Variants in FAM193B observed in about 807,000 individuals in gnomAD.
FAM193B encodes family with sequence similarity 193 member B, also known as protein FAM193B.
A neutral mutation model predicts 70.7 loss-of-function variants in FAM193B; 27 were observed. The ratio of observed to expected loss-of-function variants is 0.38; its 90% CI spans 0.28 to 0.53. The LOEUF is 0.53. Ranked by LOEUF, FAM193B falls within the 20% of genes least tolerant of loss-of-function variation. The probability of loss-of-function intolerance (pLI) is 0.81; values close to 1 mark genes in which losing one functional copy is unlikely to be tolerated. For missense variants in FAM193B, 1,022 were observed against 1,072.5 expected (o/e 0.95, Z 0.66); for synonymous variants, 448 against 436.0 (o/e 1.03, Z -0.34).
At chr5:177,550,979 AC>A (rs145193208) in intron 1 of FAM193B, among the ~76,000 whole-genome samples, 1,886 of 149,984 alleles carry the variant, frequency 0.013, 41 homozygotes, top group African/African-American at 0.044. Context: ...ATAGGTGTGA[AC>A]CCATGCCCAG....
At chr5:177,551,822 A>G (rs1445076998) in intron 1 of FAM193B, among the ~76,000 whole-genome samples, 1 of 152,214 alleles carries the variant, frequency 6.6e-6, no homozygotes, top group African/African-American at 2.4e-5. Flanking sequence ...ATGAGTGGCA[A>G]TGGGAGCCAG....
chr5:177,540,840 C>T (rs1256622751), intron 1 of FAM193B, among the ~76,000 whole-genome samples: 1 of 152,116 alleles, frequency 6.6e-6, no homozygotes, highest in Non-Finnish European at 1.5e-5. Context: ...TCTGCAGAGG[C>T]CTACGGGAAT....
intron 1 of FAM193B, among the ~76,000 whole-genome samples, chr5:177,540,667 T>C (rs2127477650): frequency 6.6e-6 from 1 of 152,296 alleles, no homozygotes; most frequent in East Asian, 1.9e-4. Flanking sequence ...CCCAGCTGAT[T>C]GGCCAGCTGA....
chr5:177,539,407 G>C, intron 1 of FAM193B: 1 of 411,302 alleles, frequency 2.4e-6, no homozygotes, highest in South Asian at 3.2e-5. Flanking sequence ...ACCCTAGTGA[G>C]TCTGGCTCCA....
At chr5:177,540,220 T>A (rs1373076382) in intron 1 of FAM193B, among the ~76,000 whole-genome samples, 1 of 148,452 alleles carries the variant, frequency 6.7e-6, no homozygotes, top group Non-Finnish European at 1.5e-5. Context: ...GGCAGGAGAA[T>A]CGCTTGAACC....
intron 1 of FAM193B, among the ~76,000 whole-genome samples, chr5:177,543,070 G>T (rs1014148118): frequency 6.6e-6 from 1 of 152,274 alleles, no homozygotes; most frequent in African/African-American, 2.4e-5. Flanking sequence ...AATCTTAACC[G>T]CGTTAAGAGT....
intron 1 of FAM193B, among the ~76,000 whole-genome samples, chr5:177,541,652 C>T (rs163010): frequency 0.84 from 127,035 of 152,054 alleles, 54,969 homozygotes; most frequent in Non-Finnish European, 0.94. Context: ...ATCTCCTGAC[C>T]TCGTGATCCG....
chr5:177,523,810 G>A, intron 7 of FAM193B, 147 bp downstream of exon 7: 1 of 829,242 alleles, frequency 1.2e-6, no homozygotes, highest in Non-Finnish European at 1.9e-6. Flanking sequence ...AGGCTGGTGG[G>A]AGAGGGCCTG....
chr5:177,524,424 C>T lies in FAM193B; in HGVS notation c.2057G>A (p.Cys686Tyr), dbSNP rs773057513. 5.6e-6 allele frequency: 9 copies of T among 1,601,512 alleles called. No individual in the cohort carries two copies. Among genetic ancestry groups the T allele is most frequent in the Non-Finnish European group, 6.8e-6 (8 of 1,174,184 alleles). The change falls in exon 6 of 9, where the codon TGT (cysteine) becomes TAT (tyrosine). Residue 686 changes from cysteine (C) to tyrosine (Y), a missense_variant. Cys to Tyr is a radical substitution (Grantham distance 194, BLOSUM62 -2). Coordinates refer to ENST00000514747, the MANE Select transcript of FAM193B (RefSeq NM_001190946.3). ...RVLELPKVGS[C>Y]AEAGEGSRGS... Reference sequence around the variant, plus strand: ...CCGGCTCCCCTCTCCAGCCTCAGCACAGCTGCCTACTTTGGGAAGCTCTAG... The same window carrying T: ...CCGGCTCCCCTCTCCAGCCTCAGCATAGCTGCCTACTTTGGGAAGCTCTAG...
intron 5 of FAM193B, 108 bp from the exon 6 acceptor site, chr5:177,525,313 C>T: frequency 8.4e-7 from 1 of 1,192,090 alleles, no homozygotes; most frequent in Non-Finnish European, 1.1e-6. Context: ...TTGCTGGAAG[C>T]AAAGCCTTAA....
intron 1 of FAM193B, chr5:177,553,145 C>T: frequency 2.0e-6 from 2 of 984,960 alleles, no homozygotes; most frequent in Non-Finnish European, 2.4e-6. Flanking sequence ...TGGGAAGGTA[C>T]CCCAAACGGC....
chr5:177,534,241 G>C (rs1413368267), intron 4 of FAM193B, among the ~76,000 whole-genome samples: 1 of 151,878 alleles, frequency 6.6e-6, no homozygotes, highest in East Asian at 1.9e-4. Context: ...GGTGCTTACA[G>C]AAGTTTGTTC....
chr5:177,551,071 G>A (rs192011046), intron 1 of FAM193B, among the ~76,000 whole-genome samples: 1 of 151,720 alleles, frequency 6.6e-6, no homozygotes, highest in Non-Finnish European at 1.5e-5. Flanking sequence ...CTGGCCTCAA[G>A]AGATCCTCCT....
intron 5 of FAM193B, among the ~76,000 whole-genome samples, chr5:177,527,725 CTG>C (rs796184416): frequency 5.9e-5 from 9 of 152,348 alleles, no homozygotes; most frequent in African/African-American, 2.2e-4. Context: ...AAGTGTCAAA[CTG>C]AGATCCAGTT....
intron 1 of FAM193B, among the ~76,000 whole-genome samples, chr5:177,541,829 C>T (rs1168757459): frequency 1.3e-5 from 2 of 152,182 alleles, no homozygotes; most frequent in Non-Finnish European, 2.9e-5. Context: ...ATGCTCCAAT[C>T]TCTGATATAA....
At chr5:177,553,475 T>G (rs1766572532) in intron 1 of FAM193B, 1 of 1,106,000 alleles carries the variant, frequency 9.0e-7, no homozygotes, top group South Asian at 2.1e-5. Flanking sequence ...CCCCCGCCTC[T>G]CAGTGAACTT....
chr5:177,537,251 A>G (rs1764284001), intron 3 of FAM193B, among the ~76,000 whole-genome samples: 1 of 152,120 alleles, frequency 6.6e-6, no homozygotes, highest in Non-Finnish European at 1.5e-5. Flanking sequence ...ACTGCTCAAC[A>G]CTCATAATTC....
At position 177,537,900 on chromosome 5, in the gene FAM193B, A is replaced by G. The variant is rs374024881; in HGVS notation, c.661T>C (p.Ser221Pro). 3 of 1,606,906 alleles carry G rather than the reference A, an allele frequency of 1.9e-6. No individual in the cohort carries two copies. In the African/African-American group the frequency reaches 4.0e-5, roughly 21 times the overall value. ...PHSSGAMPGS[S>P]LGSPPTIPGE... ...GGGATGGTAGGAGGACTCCCAAGAGAGCTGCCTGGCATGGCCCCACTGGAA... is the reference window on the plus strand; with the variant it reads ...GGGATGGTAGGAGGACTCCCAAGAGGGCTGCCTGGCATGGCCCCACTGGAA... Residue 221 changes from serine (S) to proline (P), a missense_variant, in exon 3 of 9, where the codon TCT (serine) becomes CCT (proline). Transcript: ENST00000514747.
intron 1 of FAM193B, among the ~76,000 whole-genome samples, chr5:177,548,941 G>A (rs1455289837): frequency 3.3e-5 from 5 of 152,050 alleles, no homozygotes; most frequent in Admixed American, 6.6e-5. Flanking sequence ...AGTGGTGCTC[G>A]CCCTGGGTCT....
Sources: gnomAD v4.1 joint callset for allele counts (sites outside exome capture counted in the v4.1 genomes callset) on GRCh38, gnomAD v4.1.1 for gene constraint, MANE v1.5 for transcripts, NCBI Gene and HGNC (gene_info 2026-07-23, HGNC 2026-07-21) for gene names.